The following SMYD3 variants were observed in gnomAD, a reference collection of about 807,000 sequenced individuals.
SMYD3 encodes the protein SET and MYND domain containing 3.
A neutral mutation model predicts 57.7 loss-of-function variants in SMYD3; 36 were observed. The ratio of observed to expected loss-of-function variants is 0.62; its 90% CI spans 0.48 to 0.82. The LOEUF (loss-of-function observed/expected upper bound fraction) is 0.82. Ranked by LOEUF, SMYD3 falls within the 40% of genes least tolerant of loss-of-function variation. SMYD3 has a pLI of 0.00. For synonymous variants in SMYD3, 211 were observed against 195.0 expected, an observed-to-expected ratio of 1.08 and a Z score of -0.68; for missense variants, 515 against 538.8, an observed-to-expected ratio of 0.96 and a Z score of 0.44.
intron 10 of SMYD3, among the ~76,000 whole-genome samples, chr1:245,775,683 C>T (rs531028865): frequency 1.3e-4 from 19 of 149,418 alleles, no homozygotes; most frequent in African/African-American, 4.5e-4. Flanking sequence ...ATCCCCCTCT[C>T]CGAGAAACAC....
chr1:245,844,528 G>A (rs1291005312), intron 10 of SMYD3, among the ~76,000 whole-genome samples: 1 of 151,990 alleles, frequency 6.6e-6, no homozygotes, highest in Non-Finnish European at 1.5e-5. Flanking sequence ...AGTAAATGCG[G>A]TCTGAGGCAG....
intron 5 of SMYD3, among the ~76,000 whole-genome samples, chr1:246,166,054 G>A (rs1168405243): frequency 6.6e-6 from 1 of 151,964 alleles, no homozygotes; most frequent in African/African-American, 2.4e-5. Flanking sequence ...ACCTACACCA[G>A]ACAAACTGCT....
intron 5 of SMYD3, among the ~76,000 whole-genome samples, chr1:246,080,444 C>G (rs1213922711): frequency 6.6e-6 from 1 of 152,096 alleles, no homozygotes; most frequent in African/African-American, 2.4e-5. Context: ...TGAGGTGGAA[C>G]AGTTTCATCC....
chr1:246,381,292 C>A (rs2148751268), intron 1 of SMYD3, among the ~76,000 whole-genome samples: 1 of 152,158 alleles, frequency 6.6e-6, no homozygotes, highest in African/African-American at 2.4e-5. Context: ...TAAAGAAGTG[C>A]CCAGCGAATA....
intron 5 of SMYD3, among the ~76,000 whole-genome samples, chr1:246,161,559 A>G (rs566828385): frequency 3.3e-4 from 50 of 152,266 alleles, no homozygotes; most frequent in African/African-American, 1.1e-3. Context: ...CCACCTTGGT[A>G]TATCATGCTC....
intron 1 of SMYD3, among the ~76,000 whole-genome samples, chr1:246,402,275 C>T (rs2066782686): frequency 6.8e-6 from 1 of 147,334 alleles, no homozygotes; most frequent in Non-Finnish European, 1.5e-5. Flanking sequence ...TTAAACTTGC[C>T]AACTATTTTC....
intron 5 of SMYD3, among the ~76,000 whole-genome samples, chr1:246,057,846 A>G (rs2060179556): frequency 1.3e-5 from 2 of 152,244 alleles, no homozygotes; most frequent in African/African-American, 4.8e-5. Flanking sequence ...CTTGGAAGTA[A>G]CCCAGATGGC....
Position 246,292,488 on chromosome 1 carries a change from C to G in SMYD3, c.531+34713G>C, listed in dbSNP as rs150895733. On this transcript the variant is annotated intron_variant, in intron 5 of 11. Transcript: ENST00000490107. Reference sequence around the variant, plus strand: ...AGACTTACTATCCAATACACCAGTACCTTAGACTTACTATCCAATACACCA... The same window carrying G: ...AGACTTACTATCCAATACACCAGTAGCTTAGACTTACTATCCAATACACCA... 4.3e-4 allele frequency among the ~76,000 whole-genome samples: 66 copies of G among 152,024 alleles called. No homozygotes were observed. The East Asian group carries it at 0.012, about 29-fold the overall frequency.
intron 5 of SMYD3, among the ~76,000 whole-genome samples, chr1:246,288,946 T>A (rs1282063959): frequency 1.3e-5 from 2 of 152,142 alleles, no homozygotes; most frequent in African/African-American, 4.8e-5. Flanking sequence ...AAACCCTGTC[T>A]CTACTAAAAA....
At chr1:245,844,318 C>T (rs1278942630) in intron 10 of SMYD3, among the ~76,000 whole-genome samples, 1 of 152,162 alleles carries the variant, frequency 6.6e-6, no homozygotes. Context: ...TGTACCCCAT[C>T]CTTTGATGTT....
At chr1:246,064,925 G>A (rs1189804641) in intron 5 of SMYD3, among the ~76,000 whole-genome samples, 2 of 151,914 alleles carry the variant, frequency 1.3e-5, no homozygotes, top group Non-Finnish European at 2.9e-5. Flanking sequence ...CCTATAATCT[G>A]TATACTAATT....
chr1:246,399,056 C>T (rs979442356), intron 1 of SMYD3, among the ~76,000 whole-genome samples: 2 of 151,942 alleles, frequency 1.3e-5, no homozygotes, highest in Admixed American at 6.6e-5. Flanking sequence ...GAGTCTTGCT[C>T]TGTCTCCCAG....
chr1:246,320,962 G>A (rs2065237852), intron 5 of SMYD3, among the ~76,000 whole-genome samples: 2 of 152,174 alleles, frequency 1.3e-5, no homozygotes, highest in South Asian at 4.1e-4. Context: ...ATCATCAAGG[G>A]AAGCCTACTT....
intron 10 of SMYD3, among the ~76,000 whole-genome samples, chr1:245,816,157 C>T (rs114060930): frequency 0.014 from 2,186 of 152,278 alleles, 58 homozygotes; most frequent in African/African-American, 0.049. Context: ...TCCTACCTGT[C>T]GCTAGCCTTC....
At position 246,216,209 on chromosome 1, in the gene SMYD3, C is replaced by G. The variant is rs201323518; in HGVS notation, c.531+110992G>C. 2.3e-4 allele frequency among the ~76,000 whole-genome samples: 35 copies of G among 151,408 alleles called. No homozygotes were observed. In the East Asian group the frequency reaches 6.3e-3, roughly 27 times the overall value. ...GGCTGAGGCAGGAGAATCGCTTGAACCCGGGAGGCAGAGGTTGCAGTGAGC... is the reference window on the plus strand; with the variant it reads ...GGCTGAGGCAGGAGAATCGCTTGAAGCCGGGAGGCAGAGGTTGCAGTGAGC... On this transcript the variant is annotated intron_variant, in intron 5 of 11. Coordinates refer to ENST00000490107, the MANE Select transcript of SMYD3 (RefSeq NM_001167740.2).
intron 5 of SMYD3, among the ~76,000 whole-genome samples, chr1:246,136,876 C>A (rs2061673214): frequency 6.6e-6 from 1 of 152,182 alleles, no homozygotes; most frequent in African/African-American, 2.4e-5. Flanking sequence ...TAGACTTCTG[C>A]AGAGCACAGT....
At chr1:245,806,657 TC>T (rs1224269561) in intron 10 of SMYD3, among the ~76,000 whole-genome samples, 5 of 152,066 alleles carry the variant, frequency 3.3e-5, no homozygotes, top group Admixed American at 2.6e-4. Flanking sequence ...ACGCCTGTAA[TC>T]CCAGCACTTT....
At chr1:246,333,008 C>A (rs1193380052) in intron 3 of SMYD3, among the ~76,000 whole-genome samples, 1 of 152,188 alleles carries the variant, frequency 6.6e-6, no homozygotes, top group Admixed American at 6.5e-5. Context: ...AGAGAGAATT[C>A]AATGCCTGGC....
intron 5 of SMYD3, among the ~76,000 whole-genome samples, chr1:246,068,193 G>GA (rs1173967965): frequency 1.3e-4 from 19 of 150,878 alleles, no homozygotes; most frequent in Admixed American, 1.2e-3. Flanking sequence ...TGTTTAGTGT[G>GA]AAAAAATCAG....
Sources: gnomAD v4.1 joint callset for allele counts (sites outside exome capture counted in the v4.1 genomes callset) on GRCh38, gnomAD v4.1.1 for gene constraint, MANE v1.5 for transcripts, NCBI Gene and HGNC (gene_info 2026-07-23, HGNC 2026-07-21) for gene names.